EIF2AK4: variants seen among roughly 807,000 people sequenced by gnomAD.
EIF2AK4 encodes the protein eukaryotic translation initiation factor 2 alpha kinase 4.
Under a neutral mutation model 211.1 loss-of-function variants are expected in EIF2AK4, and 139 were observed. The observed-to-expected ratio is 0.66, with a 90% confidence interval of 0.57 to 0.76. The LOEUF is 0.76. Among genes scored for constraint, EIF2AK4 ranks in the 30% least tolerant of loss-of-function variants. The pLI, the probability that EIF2AK4 is intolerant of heterozygous loss-of-function variation, is 0.00. For synonymous variants in EIF2AK4, 710 were observed against 751.3 expected, an observed-to-expected ratio of 0.94 and a Z score of 0.90; for missense variants, 1,664 against 2,043.8, an observed-to-expected ratio of 0.81 and a Z score of 3.58.
chr15:39,959,290 T>G (rs2034434448), intron 6 of EIF2AK4, among the ~76,000 whole-genome samples: 1 of 152,226 alleles, frequency 6.6e-6, no homozygotes, highest in Non-Finnish European at 1.5e-5. Context: ...GCCCAGTTCT[T>G]GATGGGTCCC....
chr15:39,955,806 A>C (rs1333506659), intron 6 of EIF2AK4, 38 bp downstream of exon 6: 1 of 1,551,904 alleles, frequency 6.4e-7, no homozygotes. Context: ...AGAATGACAG[A>C]TGTAGAAGGA....
At chr15:40,023,074 A>G (rs1334241605) in intron 32 of EIF2AK4, among the ~76,000 whole-genome samples, 2 of 152,184 alleles carry the variant, frequency 1.3e-5, no homozygotes, top group East Asian at 3.9e-4. Flanking sequence ...TAAGGAAGAG[A>G]GTCCACCTTC....
At position 40,003,074 on chromosome 15, in the gene EIF2AK4, GAT is replaced by G. The variant is rs2035113988; in HGVS notation, c.3236-116_3236-115del. 13 of 1,421,156 alleles carry G rather than the reference GAT, an allele frequency of 9.1e-6. 1 individual carries two copies. In the South Asian group the frequency reaches 1.8e-4, roughly 20 times the overall value. The allele number at this position is 1,421,156 out of a possible 1,614,324, so 88.0% of individuals were successfully genotyped here. A position where few individuals can be genotyped will look rare whatever the true frequency, so the allele number is the denominator to read the frequency against. ...AAATTTAGAGAACTCAAGAAAAATT[GAT>G]ATGACTTCAATGGTCCCAGTAGCAA... is the stretch of plus-strand genomic sequence containing the variant. On this transcript the variant is annotated intron_variant, in intron 22 of 38. Transcript: ENST00000263791.
At chr15:40,019,285 G>A in intron 30 of EIF2AK4, 85 bp downstream of exon 30, 1 of 1,028,894 alleles carries the variant, frequency 9.7e-7, no homozygotes, top group South Asian at 1.7e-5. Context: ...TCATTTACAT[G>A]GGGCTTCTGA....
intron 18 of EIF2AK4, among the ~76,000 whole-genome samples, chr15:39,993,533 T>A (rs1452727779): frequency 6.6e-6 from 1 of 151,532 alleles, no homozygotes; most frequent in Non-Finnish European, 1.5e-5. Context: ...GGGAGGGAGA[T>A]GGTAAGGAGC....
intron 32 of EIF2AK4, 44 bp from the exon 33 acceptor site, chr15:40,025,933 G>A (rs1457028441): frequency 1.3e-6 from 2 of 1,586,372 alleles, no homozygotes; most frequent in African/African-American, 2.7e-5. Flanking sequence ...AGTCTTCTGG[G>A]TTCAGAAACC....
chr15:40,013,488 C>T (rs193177030), intron 27 of EIF2AK4, among the ~76,000 whole-genome samples: 134 of 152,192 alleles, frequency 8.8e-4, no homozygotes, highest in African/African-American at 3.0e-3. Context: ...GCCTCACAAT[C>T]ATGGCAGAAG....
intron 23 of EIF2AK4, among the ~76,000 whole-genome samples, chr15:40,005,065 G>T (rs1438594778): frequency 6.6e-6 from 1 of 152,194 alleles, no homozygotes; most frequent in Admixed American, 6.5e-5. Context: ...AAGAAGGGAT[G>T]TATAGGCATA....
chr15:39,976,643 G>A lies in EIF2AK4; in HGVS notation c.2048G>A (p.Arg683His). 6.2e-7 allele frequency: 1 copy of A among 1,604,308 alleles called. No individual in the cohort carries two copies. Among genetic ancestry groups the A allele is most frequent in the Non-Finnish European group, 8.5e-7 (1 of 1,176,986 alleles). Residue 683 changes from arginine (R) to histidine (H), a missense_variant, in exon 12 of 39, where the codon CGC (arginine) becomes CAC (histidine). Arg to His is a conservative substitution (Grantham distance 29). This residue lies in a region of EIF2AK4 where 206 missense variants were observed against 201.9 expected (regional missense o/e 1.02). Transcript: ENST00000263791. ...CTGGCCAAGGATGACCGAGCTGCAC[G>A]CGGGCAGCCGGCGAGCGACACAGAC... is the stretch of plus-strand genomic sequence containing the variant. ...GPLAKDDRAA[R>H]GQPASDTDGL...
intron 1 of EIF2AK4, among the ~76,000 whole-genome samples, chr15:39,936,190 G>T (rs1165442141): frequency 1.3e-5 from 2 of 152,134 alleles, no homozygotes; most frequent in Non-Finnish European, 1.5e-5. Flanking sequence ...ATAACAAGAT[G>T]GAATACTAGA....
chr15:39,958,776 A>G (rs553945185), intron 6 of EIF2AK4, among the ~76,000 whole-genome samples: 50 of 147,162 alleles, frequency 3.4e-4, no homozygotes, highest in African/African-American at 1.2e-3. Context: ...CTCAGATAAG[A>G]TCCTCTTTCT....
intron 5 of EIF2AK4, among the ~76,000 whole-genome samples, chr15:39,955,393 G>A (rs1002076005): frequency 2.0e-5 from 3 of 152,052 alleles, no homozygotes; most frequent in African/African-American, 7.2e-5. Context: ...TCGGATCAGG[G>A]TAATTAGCAC....
Position 40,017,363 on chromosome 15 carries a change from T to C in EIF2AK4, c.4065+121T>C, listed in dbSNP as rs560342545. ...CCAGTAATATCATTGGATACTTCTATTAATATATGTTTCATCTAGGAATAG... is the reference window on the plus strand; with the variant it reads ...CCAGTAATATCATTGGATACTTCTACTAATATATGTTTCATCTAGGAATAG... On this transcript the variant is annotated intron_variant, in intron 29 of 38. Transcript: ENST00000263791. 24 of 1,107,238 alleles carry C rather than the reference T, an allele frequency of 2.2e-5. No individual in the cohort carries two copies. The African/African-American group carries it at 3.6e-4, about 17-fold the overall frequency. The allele number at this position is 1,107,238 out of a possible 1,614,324, so 68.6% of individuals were successfully genotyped here.
At position 39,954,375 on chromosome 15, in the gene EIF2AK4, C is replaced by T. The variant is rs1403742955; in HGVS notation, c.594+391C>T. On this transcript the variant is annotated intron_variant, in intron 5 of 38. Transcript: ENST00000263791. The stretch of plus-strand genomic sequence containing the variant: ...TCAAGCAATTCTCATGCCTCAGCCT[C>T]CCGAGTATCTGGGATTACAGGCGTA... 2.0e-5 allele frequency among the ~76,000 whole-genome samples: 3 copies of T among 152,196 alleles called. No homozygotes were observed. In the East Asian group the frequency reaches 5.8e-4, roughly 29 times the overall value.
At chr15:39,971,526 G>A (rs544975320) in intron 9 of EIF2AK4, among the ~76,000 whole-genome samples, 1 of 151,872 alleles carries the variant, frequency 6.6e-6, no homozygotes, top group Non-Finnish European at 1.5e-5. Flanking sequence ...GCAAGACTTC[G>A]TCTCATAATA....
intron 6 of EIF2AK4, among the ~76,000 whole-genome samples, chr15:39,960,048 C>T (rs2034447215): frequency 6.6e-6 from 1 of 151,600 alleles, no homozygotes; most frequent in Non-Finnish European, 1.5e-5. Flanking sequence ...CCTATAGTCC[C>T]AGCTACTCAG....
intron 37 of EIF2AK4, among the ~76,000 whole-genome samples, chr15:40,034,053 C>T (rs1001059310): frequency 6.8e-6 from 1 of 148,032 alleles, no homozygotes; most frequent in Non-Finnish European, 1.5e-5. Context: ...AAAAAGTAAA[C>T]GGTAGGCAGA....
At chr15:39,944,793 C>T (rs552707848) in intron 3 of EIF2AK4, among the ~76,000 whole-genome samples, 7 of 152,308 alleles carry the variant, frequency 4.6e-5, no homozygotes, top group Admixed American at 2.0e-4. Context: ...CTGTTTCAGA[C>T]TTTTATTAGA....
intron 32 of EIF2AK4, among the ~76,000 whole-genome samples, chr15:40,023,549 T>G (rs1017277242): frequency 6.6e-6 from 1 of 152,220 alleles, no homozygotes; most frequent in Non-Finnish European, 1.5e-5. Flanking sequence ...TCCCGGAACT[T>G]TTCCATTTCG....
Sources: allele counts gnomAD v4.1 joint callset (sites outside exome capture counted in the v4.1 genomes callset), GRCh38; gene constraint gnomAD v4.1.1; regional missense constraint gnomAD v4.1.1; transcripts MANE v1.5; gene names NCBI Gene and HGNC (gene_info 2026-07-23, HGNC 2026-07-21).